The following NRXN1 variants were observed in gnomAD, a reference collection of about 807,000 sequenced individuals.
NRXN1 encodes neurexin-1.
In NRXN1, 39 loss-of-function variants were observed where a neutral mutation model predicts 150.9. The observed-to-expected ratio is 0.26, with a 90% CI of 0.20 to 0.34. NRXN1 has a LOEUF of 0.34. NRXN1 is among the 10% of genes least tolerant of loss of function. The pLI, the probability that NRXN1 is intolerant of heterozygous loss-of-function variation, is 1.00. For missense variants in NRXN1, 1,815 were observed against 1,949.9 expected (o/e 0.93, Z 1.30); for synonymous variants, 924 against 757.0 (o/e 1.22, Z -3.62).
intron 2 of NRXN1, among the ~76,000 whole-genome samples, chr2:50,972,532 TG>T (rs1695174684): frequency 6.6e-6 from 1 of 152,262 alleles, no homozygotes; most frequent in Non-Finnish European, 1.5e-5. Flanking sequence ...ACATTTATTT[TG>T]CACTTTATTT....
chr2:50,280,421 C>T (rs1412101974), intron 17 of NRXN1, among the ~76,000 whole-genome samples: 3 of 152,014 alleles, frequency 2.0e-5, no homozygotes, highest in African/African-American at 7.3e-5. Flanking sequence ...TCTGAGGTTA[C>T]CCCATATCAG....
intron 21 of NRXN1, among the ~76,000 whole-genome samples, chr2:50,051,116 C>G (rs763884004): frequency 7.9e-5 from 12 of 151,934 alleles, no homozygotes; most frequent in Non-Finnish European, 1.6e-4. Context: ...AAAAGAGGCT[C>G]TTTTCATTGG....
intron 5 of NRXN1, among the ~76,000 whole-genome samples, chr2:50,799,211 G>A (rs1464219813): frequency 6.6e-6 from 1 of 152,150 alleles, no homozygotes; most frequent in African/African-American, 2.4e-5. Flanking sequence ...TCGGTCAATG[G>A]ATGAGTTATT....
chr2:50,664,033 G>T (rs923397192), intron 5 of NRXN1, among the ~76,000 whole-genome samples: 3 of 151,916 alleles, frequency 2.0e-5, no homozygotes, highest in Non-Finnish European at 4.4e-5. Context: ...CTATGGTCAG[G>T]CACTTGCTCA....
At chr2:49,969,815 T>C (rs909853216) in intron 21 of NRXN1, 19 of 152,174 alleles carry the variant, frequency 1.2e-4, no homozygotes, top group Non-Finnish European at 2.4e-4. Context: ...GGTAATGGCA[T>C]TTCCCCATAC....
chr2:51,022,795 T>G (rs1669833077), intron 2 of NRXN1, among the ~76,000 whole-genome samples: 1 of 152,228 alleles, frequency 6.6e-6, no homozygotes, highest in African/African-American at 2.4e-5. Context: ...ATTGTAGTAG[T>G]TACAATGTTG....
At chr2:50,851,667 A>C (rs1674536723) in intron 5 of NRXN1, among the ~76,000 whole-genome samples, 1 of 152,164 alleles carries the variant, frequency 6.6e-6, no homozygotes, top group African/African-American at 2.4e-5. Flanking sequence ...TAAACGGATA[A>C]ATTCCTAAGC....
chr2:50,973,860 G>T (rs1228872712), intron 2 of NRXN1, among the ~76,000 whole-genome samples: 2 of 152,036 alleles, frequency 1.3e-5, no homozygotes, highest in Admixed American at 1.3e-4. Context: ...CATGGTTATA[G>T]ATTTCTGGCT....
intron 21 of NRXN1, among the ~76,000 whole-genome samples, chr2:49,976,199 T>C (rs2152501844): frequency 6.6e-6 from 1 of 151,416 alleles, no homozygotes; most frequent in Middle Eastern, 3.4e-3. Flanking sequence ...ATTTTTTTTT[T>C]TTTTTGTATT....
intron 18 of NRXN1, among the ~76,000 whole-genome samples, chr2:50,195,905 T>C (rs2061728394): frequency 6.6e-6 from 1 of 152,098 alleles, no homozygotes; most frequent in Non-Finnish European, 1.5e-5. Context: ...ATAATAATAG[T>C]AATATTGTCT....
chr2:50,029,216 CCAGATACCGAAT>C, intron 21 of NRXN1, among the ~76,000 whole-genome samples: 1 of 152,322 alleles, frequency 6.6e-6, no homozygotes, highest in African/African-American at 2.4e-5. Context: ...CAGGCCCTCA[CCAGATACCGAAT>C]CAGCTGCCAC....
At chr2:49,991,475 T>C (rs567017681) in intron 21 of NRXN1, among the ~76,000 whole-genome samples, 31 of 151,908 alleles carry the variant, frequency 2.0e-4, no homozygotes, top group Non-Finnish European at 3.7e-4. Flanking sequence ...ATAATAACAT[T>C]TACATTAGCA....
At chr2:50,609,151 T>G (rs1677615762) in intron 8 of NRXN1, among the ~76,000 whole-genome samples, 2 of 152,138 alleles carry the variant, frequency 1.3e-5, no homozygotes, top group Non-Finnish European at 2.9e-5. Context: ...GTTAATTCAA[T>G]TTTCTCACAA....
intron 2 of NRXN1, among the ~76,000 whole-genome samples, chr2:50,983,688 C>T (rs889167020): frequency 4.0e-5 from 6 of 151,786 alleles, no homozygotes; most frequent in Non-Finnish European, 8.8e-5. Context: ...AAAAGGCAAA[C>T]GTAAAAAAAG....
intron 17 of NRXN1, among the ~76,000 whole-genome samples, chr2:50,279,110 A>G (rs4142512): frequency 6.6e-6 from 1 of 152,074 alleles, no homozygotes; most frequent in African/African-American, 2.4e-5. Context: ...TGTGGGAACC[A>G]CTCTTCAAAT....
At chr2:50,812,649 C>T (rs1668375881) in intron 5 of NRXN1, among the ~76,000 whole-genome samples, 1 of 150,276 alleles carries the variant, frequency 6.7e-6, no homozygotes, top group Non-Finnish European at 1.5e-5. Context: ...TTTCATTTGG[C>T]TATATATAAA....
At position 50,607,291 on chromosome 2, in the gene NRXN1, C is replaced by T. The variant is rs533955201; in HGVS notation, c.1320+12731G>A. The stretch of plus-strand genomic sequence containing the variant: ...GAAATAATGATGTTTCTACTTGTGT[C>T]AGTTAAAGGCATCCCTTTGTTCATC... On this transcript the variant is annotated intron_variant, in intron 8 of 22. Coordinates refer to ENST00000401669, the MANE Select transcript of NRXN1 (RefSeq NM_001330078.2). 3.3e-5 allele frequency among the ~76,000 whole-genome samples: 5 copies of T among 152,218 alleles called. No homozygotes were observed. In the East Asian group the frequency reaches 9.7e-4, roughly 29 times the overall value.
At chr2:51,013,654 A>G (rs1668239050) in intron 2 of NRXN1, among the ~76,000 whole-genome samples, 1 of 152,024 alleles carries the variant, frequency 6.6e-6, no homozygotes, top group Admixed American at 6.6e-5. Context: ...AGGAACCTTA[A>G]GCAATTTAAA....
intron 15 of NRXN1, among the ~76,000 whole-genome samples, chr2:50,486,787 A>G (rs2104828848): frequency 6.6e-6 from 1 of 152,244 alleles, no homozygotes; most frequent in Admixed American, 6.5e-5. Flanking sequence ...TGCTTGTACT[A>G]GGGTAGTTAT....
Sources: gnomAD v4.1 joint callset for allele counts (sites outside exome capture counted in the v4.1 genomes callset) on GRCh38, gnomAD v4.1.1 for gene constraint, MANE v1.5 for transcripts, NCBI Gene and HGNC (gene_info 2026-07-23, HGNC 2026-07-21) for gene names.